RABGAP1: variants seen among roughly 807,000 people sequenced by gnomAD.
The protein encoded by RABGAP1 is RAB GTPase activating protein 1, also known as rab GTPase-activating protein 1.
Under a neutral mutation model 137.6 loss-of-function variants are expected in RABGAP1, and 23 were observed. The observed-to-expected ratio is 0.17, with a 90% CI of 0.12 to 0.24. RABGAP1 has a LOEUF of 0.24. RABGAP1 is among the 10% of genes least tolerant of loss of function. The pLI is 1.00. For synonymous variants in RABGAP1, 451 were observed against 450.7 expected (o/e 1.00, Z -0.01); for missense variants, 906 against 1,275.8 (o/e 0.71, Z 4.42).
intron 10 of RABGAP1, among the ~76,000 whole-genome samples, chr9:123,003,005 G>T (rs999322721): frequency 1.3e-5 from 2 of 152,098 alleles, no homozygotes; most frequent in Non-Finnish European, 2.9e-5. Context: ...GTGTTTGTGC[G>T]GGGATTTAGG....
chr9:123,042,583 A>G (rs537141746), intron 13 of RABGAP1, among the ~76,000 whole-genome samples: 2 of 152,196 alleles, frequency 1.3e-5, no homozygotes, highest in Non-Finnish European at 2.9e-5. Flanking sequence ...TTAAAGTATA[A>G]TAATTTTTTT....
intron 13 of RABGAP1, among the ~76,000 whole-genome samples, chr9:123,060,202 T>G (rs1345442183): frequency 6.6e-6 from 1 of 152,232 alleles, no homozygotes; most frequent in East Asian, 1.9e-4. Context: ...TTTGATGAGT[T>G]TTGACAATTT....
At position 123,070,336 on chromosome 9, in the gene RABGAP1, G is replaced by T; in HGVS notation, c.1909-14G>T. The T allele has an allele frequency of 1.9e-6, 3 of 1,613,798 alleles. No homozygotes were observed. The highest frequency in any genetic ancestry group is 2.5e-6 in the Non-Finnish European group (3 of 1,179,874). On this transcript the variant is annotated splice_polypyrimidine_tract_variant and intron_variant, in intron 14 of 25. Coordinates refer to ENST00000373647, the MANE Select transcript of RABGAP1 (RefSeq NM_012197.4). The surrounding 1 kb of genome is among the most constrained non-coding windows in gnomAD (Gnocchi z 4.4). ...ACATTCATTTACATTTCCTCTGTGTGTTTTATTTTCCAGGCTTATTCTGTG... is the reference window on the plus strand; with the variant it reads ...ACATTCATTTACATTTCCTCTGTGTTTTTTATTTTCCAGGCTTATTCTGTG...
intron 21 of RABGAP1, among the ~76,000 whole-genome samples, chr9:123,096,778 GC>G (rs2035197128): frequency 6.6e-6 from 1 of 152,086 alleles, no homozygotes; most frequent in South Asian, 2.1e-4. Context: ...CACTATGTTG[GC>G]CAGGCTGTTC....
At chr9:122,988,954 A>G (rs890008912) in intron 4 of RABGAP1, among the ~76,000 whole-genome samples, 1 of 152,168 alleles carries the variant, frequency 6.6e-6, no homozygotes, top group South Asian at 2.1e-4. Context: ...AAAAAAAAAA[A>G]AAAAAAGCAC....
At chr9:123,068,720 A>G (rs2034261968) in intron 14 of RABGAP1, among the ~76,000 whole-genome samples, 1 of 152,196 alleles carries the variant, frequency 6.6e-6, no homozygotes. Context: ...TGGTATAATA[A>G]GATTACATTG....
chr9:123,007,444 C>G (rs12002735), intron 10 of RABGAP1, among the ~76,000 whole-genome samples: 12 of 146,112 alleles, frequency 8.2e-5, no homozygotes, highest in African/African-American at 3.0e-4. Context: ...GTGGAACGAT[C>G]TCAGCTCACT....
chr9:122,992,427 A>G (rs1175269548), intron 6 of RABGAP1, among the ~76,000 whole-genome samples: 1 of 152,136 alleles, frequency 6.6e-6, no homozygotes, highest in Non-Finnish European at 1.5e-5. Flanking sequence ...CAGAAGTATC[A>G]GTATAACTTC....
chr9:122,959,517 T>C (rs1834737309), intron 2 of RABGAP1, among the ~76,000 whole-genome samples: 1 of 152,090 alleles, frequency 6.6e-6, no homozygotes, highest in Non-Finnish European at 1.5e-5. Context: ...ATTACAAAAA[T>C]AAAACATTTA....
intron 2 of RABGAP1, among the ~76,000 whole-genome samples, chr9:122,972,304 A>G (rs1008133014): frequency 9.2e-5 from 14 of 152,096 alleles, no homozygotes; most frequent in Admixed American, 1.3e-4. Context: ...AAAAACTCCA[A>G]ATTACCTCGA....
rs1409138943 is a variant in RABGAP1, at chr9:123,059,967, G to C, written c.1795-5381G>C. Among the ~76,000 whole-genome samples, 6 of 152,354 alleles carry C rather than the reference G, an allele frequency of 3.9e-5. No homozygotes were observed. The East Asian group carries it at 1.2e-3, about 29-fold the overall frequency. ...GGGTCTGCCTTTGGGTGATGCACTAGAAGTGGAAAGGAAGAGACAGAATCC... is the reference window on the plus strand; with the variant it reads ...GGGTCTGCCTTTGGGTGATGCACTACAAGTGGAAAGGAAGAGACAGAATCC... On this transcript the variant is annotated intron_variant, in intron 13 of 25. Transcript: ENST00000373647.
chr9:123,017,247 T>C (rs1034662963), intron 12 of RABGAP1, among the ~76,000 whole-genome samples: 1 of 152,190 alleles, frequency 6.6e-6, no homozygotes, highest in Non-Finnish European at 1.5e-5. Context: ...CATGTAGATA[T>C]AGCATTAAGA....
chr9:123,076,556 G>T, intron 18 of RABGAP1, 78 bp from the exon 19 acceptor site: 2 of 1,452,636 alleles, frequency 1.4e-6, no homozygotes, highest in South Asian at 2.8e-5. Flanking sequence ...GTGCTGAAAA[G>T]TGCTGAGAAT....
intron 2 of RABGAP1, among the ~76,000 whole-genome samples, chr9:122,972,845 T>C (rs1349742652): frequency 1.3e-5 from 2 of 151,868 alleles, no homozygotes; most frequent in African/African-American, 2.4e-5. Context: ...ATAGAAAACA[T>C]AAAGGTATGG....
At chr9:122,965,388 TAAA>T (rs1244626243) in intron 2 of RABGAP1, among the ~76,000 whole-genome samples, 1 of 152,112 alleles carries the variant, frequency 6.6e-6, no homozygotes, top group Non-Finnish European at 1.5e-5. Flanking sequence ...ATGTTTGTAC[TAAA>T]AAAAATTTTT....
Position 122,990,208 on chromosome 9 carries a change from T to C in RABGAP1, c.918T>C (p.Tyr306=). Residue 306 remains tyrosine (Y), a synonymous_variant, in exon 6 of 26, where the codon TAT becomes TAC. Transcript: ENST00000373647. ...LEIKEDDGKG[Y]FSAVPKDKDR... ...TAAAAGAAGATGATGGTAAAGGTTA[T>C]TTTAGGTAGGGAATCTTATTTTATT... 1.2e-6 allele frequency: 2 copies of C among 1,600,910 alleles called. No homozygotes were observed. The highest frequency in any genetic ancestry group is 1.7e-6 in the Non-Finnish European group (2 of 1,170,338).
At chr9:123,057,933 A>G (rs1314231318) in intron 13 of RABGAP1, among the ~76,000 whole-genome samples, 7 of 152,142 alleles carry the variant, frequency 4.6e-5, no homozygotes, top group African/African-American at 1.4e-4. Flanking sequence ...CGCGCCTGCA[A>G]TCACAGGCAC....
chr9:123,003,497 A>T (rs2029918825), intron 10 of RABGAP1, among the ~76,000 whole-genome samples: 1 of 152,226 alleles, frequency 6.6e-6, no homozygotes, highest in Non-Finnish European at 1.5e-5. Context: ...TGAAAAGGAA[A>T]CAATGCTACA....
At chr9:123,019,899 C>G (rs2031504894) in intron 12 of RABGAP1, among the ~76,000 whole-genome samples, 1 of 152,022 alleles carries the variant, frequency 6.6e-6, no homozygotes, top group Non-Finnish European at 1.5e-5. Context: ...GCCCAGGCTG[C>G]TCTTGAACTC....
Sources: allele counts gnomAD v4.1 joint callset (sites outside exome capture counted in the v4.1 genomes callset), GRCh38; gene constraint gnomAD v4.1.1; non-coding constraint Gnocchi (gnomAD v3.1); transcripts MANE v1.5; gene names NCBI Gene and HGNC (gene_info 2026-07-23, HGNC 2026-07-21).